LINC00632: variants seen among roughly 807,000 people sequenced by gnomAD.
LINC00632 encodes long independently transcribed non-coding RNA 632.
At chrX:140,771,035 A>G (rs748598194) in intron 3 of LINC00632, among the ~76,000 whole-genome samples, 1 of 111,931 alleles carries the variant, frequency 8.9e-6, no homozygotes, top group Non-Finnish European at 1.9e-5. Context: ...GAGAGAAAAA[A>G]GACTACTGGG....
At chrX:140,783,793 T>C in exon 5 of LINC00632, 1 of 1,208,628 alleles carries the variant, frequency 8.3e-7, no homozygotes, top group Non-Finnish European at 1.1e-6. Flanking sequence ...ATCCACGTCT[T>C]CCAGAAAATC....
exon 5 of LINC00632, among the ~76,000 whole-genome samples, chrX:140,789,088 C>A (rs888893472): frequency 1.8e-5 from 2 of 108,398 alleles, no homozygotes; most frequent in African/African-American, 6.6e-5. Flanking sequence ...GTTTTGTTAC[C>A]TTCCTCATAC....
At chrX:140,729,164 T>C (rs1452997953) in intron 2 of LINC00632, among the ~76,000 whole-genome samples, 2 of 110,991 alleles carry the variant, frequency 1.8e-5, no homozygotes, top group African/African-American at 6.6e-5. Context: ...AGCGGTCCTA[T>C]AGTATTATAC....
intron 2 of LINC00632, chrX:140,733,816 A>G (rs1029637549): frequency 2.7e-5 from 3 of 112,577 alleles, no homozygotes; most frequent in Non-Finnish European, 3.7e-5. Context: ...CCTGAAACAA[A>G]TATTTCCTGC....
chrX:140,780,156 C>A (rs1931914944), exon 5 of LINC00632, among the ~76,000 whole-genome samples: 1 of 112,015 alleles, frequency 8.9e-6, no homozygotes, highest in African/African-American at 3.2e-5. Context: ...ATGCTTAGTA[C>A]AGTGCCTGGC....
chrX:140,763,147 G>A (rs756212407), intron 3 of LINC00632, among the ~76,000 whole-genome samples: 118 of 112,044 alleles, frequency 1.1e-3, no homozygotes, highest in African/African-American at 3.7e-3. Context: ...TGTAATCCCA[G>A]CATTTTGGGA....
At chrX:140,769,090 G>A (rs1045089376) in intron 3 of LINC00632, among the ~76,000 whole-genome samples, 2 of 110,755 alleles carry the variant, frequency 1.8e-5, no homozygotes, top group African/African-American at 6.6e-5. Flanking sequence ...TGGGGAAGGT[G>A]CCTTGTAGTG....
intron 2 of LINC00632, among the ~76,000 whole-genome samples, chrX:140,719,346 T>C (rs1930690329): frequency 9.1e-6 from 1 of 110,308 alleles, no homozygotes; most frequent in Admixed American, 9.7e-5. Flanking sequence ...TTGCCCGGGC[T>C]GGAGTGCGGT....
exon 5 of LINC00632, among the ~76,000 whole-genome samples, chrX:140,779,691 A>G (rs1227418280): frequency 8.9e-6 from 1 of 112,115 alleles, no homozygotes; most frequent in Non-Finnish European, 1.9e-5. Flanking sequence ...AATATTGAGA[A>G]ATTAAGTATG....
chrX:140,756,625 A>G (rs1310759766), intron 3 of LINC00632, among the ~76,000 whole-genome samples: 2 of 111,769 alleles, frequency 1.8e-5, no homozygotes, highest in African/African-American at 6.5e-5. Context: ...GCTGGTTCAC[A>G]GAGTCATTTG....
exon 5 of LINC00632, among the ~76,000 whole-genome samples, chrX:140,779,626 T>C (rs779514019): frequency 6.2e-4 from 69 of 111,872 alleles, no homozygotes; most frequent in Non-Finnish European, 1.1e-3. Flanking sequence ...TACTGGGAAG[T>C]ATAAAATCAA....
exon 5 of LINC00632, among the ~76,000 whole-genome samples, chrX:140,786,509 A>T (rs920772780): frequency 9.0e-6 from 1 of 111,630 alleles, no homozygotes; most frequent in African/African-American, 3.2e-5. Flanking sequence ...GATTTTTTGT[A>T]TATCAGTTTT....
At chrX:140,762,234 A>AGG (rs374632602) in intron 3 of LINC00632, among the ~76,000 whole-genome samples, 36,139 of 105,479 alleles carry the variant, frequency 0.34, 5,610 homozygotes, top group East Asian at 0.69. Context: ...AGAGAGAGAG[A>AGG]GAGAGAGAGC....
intron 3 of LINC00632, among the ~76,000 whole-genome samples, chrX:140,754,075 G>A: frequency 9.0e-6 from 1 of 111,647 alleles, no homozygotes. Context: ...CGTCCGGCTA[G>A]CTCCTATATT....
chrX:140,781,652 C>A (rs1476156856), exon 5 of LINC00632, among the ~76,000 whole-genome samples: 1 of 111,493 alleles, frequency 9.0e-6, no homozygotes, highest in South Asian at 3.8e-4. Context: ...TTGTTCTCTG[C>A]TTGTTCTCAT....
At chrX:140,783,987 A>ATGTCTTCCAGAAAATCCT in exon 5 of LINC00632, 1 of 1,211,032 alleles carries the variant, frequency 8.3e-7, no homozygotes, top group Non-Finnish European at 1.1e-6. Flanking sequence ...CAGACTATCC[A>ATGTCTTCCAGAAAATCCT]TGTCTTCCAG....
At chrX:140,789,675 T>TAA (rs1932078117) in exon 5 of LINC00632, among the ~76,000 whole-genome samples, 1 of 112,256 alleles carries the variant, frequency 8.9e-6, no homozygotes, top group Non-Finnish European at 1.9e-5. Flanking sequence ...CTCATTCCTT[T>TAA]AAATTATTTT....
chrX:140,739,786 A>G lies in LINC00632; in HGVS notation n.191+5822A>G, dbSNP rs146088063. Among the ~76,000 whole-genome samples, 341 of 110,684 alleles carry G rather than the reference A, an allele frequency of 3.1e-3. 1 individual carries two copies. The highest frequency in any genetic ancestry group is 0.01 in the African/African-American group (314 of 30,457). On this transcript the variant is annotated intron_variant and non_coding_transcript_variant, in intron 3 of 4. Coordinates refer to ENST00000648200, the Ensembl canonical transcript of LINC00632. ...CAGTGACTGTAAAATTCCATTGATT[A>G]TAAGATCCATTCTGATTTCAGTAAT...
chrX:140,778,634 AAG>A (rs1243610147), exon 5 of LINC00632, among the ~76,000 whole-genome samples: 55 of 107,939 alleles, frequency 5.1e-4, no homozygotes, highest in African/African-American at 1.5e-3. Flanking sequence ...AAAAAAAAAA[AAG>A]AACTGTTTTG....
Sources: gnomAD v4.1 joint callset for allele counts (sites outside exome capture counted in the v4.1 genomes callset) on GRCh38, gnomAD v4.1.1 for gene constraint, MANE v1.5 for transcripts, NCBI Gene and HGNC (gene_info 2026-07-23, HGNC 2026-07-21) for gene names.